Variants in GSE1 observed in about 807,000 individuals in gnomAD.
GSE1 encodes Gse1 coiled-coil protein.
A neutral mutation model predicts 112.6 loss-of-function variants in GSE1; 32 were observed. The ratio of observed to expected loss-of-function variants is 0.28; its 90% CI spans 0.21 to 0.38. GSE1 has a LOEUF of 0.38. Among genes scored for constraint, GSE1 ranks in the 10% least tolerant of loss-of-function variants. GSE1 has a pLI of 1.00. For missense variants in GSE1, 2,348 were observed against 1,699.2 expected (o/e 1.38, Z -6.71); for synonymous variants, 1,115 against 735.6 (o/e 1.52, Z -8.35).
At chr16:85,647,513 G>T (rs1372346888) in intron 2 of GSE1, among the ~76,000 whole-genome samples, 2 of 152,192 alleles carry the variant, frequency 1.3e-5, no homozygotes, top group Non-Finnish European at 2.9e-5. Context: ...CACCCTGAAT[G>T]GCTGCCATTT....
At chr16:85,515,565 G>A (rs996873319) in intron 2 of GSE1, among the ~76,000 whole-genome samples, 1 of 151,970 alleles carries the variant, frequency 6.6e-6, no homozygotes, top group Admixed American at 6.6e-5. Flanking sequence ...TGTCCTCTGA[G>A]GACCCTGGGG....
intron 2 of GSE1, among the ~76,000 whole-genome samples, chr16:85,635,124 C>G (rs953525857): frequency 5.3e-5 from 8 of 152,186 alleles, no homozygotes; most frequent in Admixed American, 3.9e-4. Flanking sequence ...GACACCTGCC[C>G]TGACCAGGGC....
exon 1 of GSE1, chr16:85,170,169 G>C (rs1474113056): frequency 1.0e-5 from 10 of 985,228 alleles, no homozygotes; most frequent in Non-Finnish European, 1.1e-5. Flanking sequence ...AGTGGAGGCC[G>C]GCTCCGGGAC....
intron 1 of GSE1, among the ~76,000 whole-genome samples, chr16:85,618,103 A>G (rs1222117692): frequency 6.6e-6 from 1 of 152,082 alleles, no homozygotes; most frequent in African/African-American, 2.4e-5. Context: ...CTGCATCTCT[A>G]GCCAGGCCTT....
At chr16:85,556,508 G>A (rs1228445853) in intron 1 of GSE1, 3 of 178,978 alleles carry the variant, frequency 1.7e-5, no homozygotes, top group Non-Finnish European at 3.2e-5. Context: ...GCGCGGCCTC[G>A]GATCCTCCCG....
intron 2 of GSE1, among the ~76,000 whole-genome samples, chr16:85,526,510 TC>T (rs2052368907): frequency 6.6e-6 from 1 of 152,160 alleles, no homozygotes; most frequent in South Asian, 2.1e-4. Flanking sequence ...AGGTGGATCT[TC>T]AAAGGCAGCG....
intron 2 of GSE1, among the ~76,000 whole-genome samples, chr16:85,548,006 T>C (rs1430477900): frequency 2.0e-5 from 3 of 151,486 alleles, no homozygotes; most frequent in African/African-American, 7.3e-5. Flanking sequence ...GGCGGGCGGA[T>C]CACGAGGTCA....
intron 2 of GSE1, among the ~76,000 whole-genome samples, chr16:85,550,688 C>G (rs994148606): frequency 6.6e-6 from 1 of 152,204 alleles, no homozygotes; most frequent in Admixed American, 6.5e-5. Flanking sequence ...CTCAGTTTTC[C>G]CAGCACGTGC....
At chr16:85,427,092 G>C (rs1036217854) in intron 2 of GSE1, among the ~76,000 whole-genome samples, 22 of 152,164 alleles carry the variant, frequency 1.4e-4, no homozygotes, top group Middle Eastern at 3.2e-3. Flanking sequence ...GTATGTGGTG[G>C]CTATGCAGTG....
At chr16:85,601,907 G>T (rs2047483039) in intron 1 of GSE1, among the ~76,000 whole-genome samples, 1 of 152,328 alleles carries the variant, frequency 6.6e-6, no homozygotes, top group African/African-American at 2.4e-5. Flanking sequence ...AAGGCAACTG[G>T]GACTTGATTG....
chr16:85,313,933 TGTGTGTGTGTGTGTGACATAGCCTA>T (rs1207436301), intron 1 of GSE1, among the ~76,000 whole-genome samples: 10 of 151,368 alleles, frequency 6.6e-5, no homozygotes, highest in Non-Finnish European at 1.3e-4. Flanking sequence ...TGTGTGTGTG[TGTGTGTGTGTGTGTGACATAGCCTA>T]GTGTGTGTGT....
chr16:85,349,907 G>A (rs1198269849), intron 1 of GSE1, among the ~76,000 whole-genome samples: 2 of 152,182 alleles, frequency 1.3e-5, no homozygotes, highest in Admixed American at 6.5e-5. Flanking sequence ...CGCTAGGCGT[G>A]GGGGTGCAGA....
intron 2 of GSE1, among the ~76,000 whole-genome samples, chr16:85,427,855 G>A (rs2049029122): frequency 6.6e-6 from 1 of 152,158 alleles, no homozygotes; most frequent in Non-Finnish European, 1.5e-5. Context: ...TAAATAATAT[G>A]TTTTAACAAA....
chr16:85,384,165 G>C (rs141797894), intron 2 of GSE1, among the ~76,000 whole-genome samples: 48 of 152,364 alleles, frequency 3.2e-4, no homozygotes, highest in African/African-American at 1.0e-3. Flanking sequence ...GGAGGGGAGG[G>C]AGGTGCTATT....
chr16:85,554,250 G>GT (rs1277121299), upstream of GSE1, among the ~76,000 whole-genome samples: 1 of 152,144 alleles, frequency 6.6e-6, no homozygotes, highest in Admixed American at 6.5e-5. Flanking sequence ...TGGCGGCAGG[G>GT]TTTTTTCCCC....
At chr16:85,192,797 A>G (rs2074850536) in intron 1 of GSE1, among the ~76,000 whole-genome samples, 1 of 152,224 alleles carries the variant, frequency 6.6e-6, no homozygotes, top group Admixed American at 6.5e-5. Flanking sequence ...GAAGGGACTA[A>G]GGCAGAAGGA....
chr16:85,283,729 G>T (rs1319184193), intron 1 of GSE1, among the ~76,000 whole-genome samples: 2 of 152,214 alleles, frequency 1.3e-5, no homozygotes, highest in Non-Finnish European at 2.9e-5. Context: ...TGCTGGGCCT[G>T]TTCTCAGTGC....
upstream of GSE1, among the ~76,000 whole-genome samples, chr16:85,607,486 C>T (rs2047758963): frequency 6.6e-6 from 1 of 152,190 alleles, no homozygotes; most frequent in South Asian, 2.1e-4. Context: ...TAAAGGAGTG[C>T]AGCTGTGTGC....
At chr16:85,342,441 G>T (rs74317979) in intron 1 of GSE1, among the ~76,000 whole-genome samples, 1,998 of 152,216 alleles carry the variant, frequency 0.013, 42 homozygotes, top group African/African-American at 0.045. Flanking sequence ...CCTGGGTGAG[G>T]CGGCTCTGCT....
Sources: allele counts gnomAD v4.1 joint callset (sites outside exome capture counted in the v4.1 genomes callset), GRCh38; gene constraint gnomAD v4.1.1; transcripts MANE v1.5; gene names NCBI Gene and HGNC (gene_info 2026-07-23, HGNC 2026-07-21).